Variants in PARD3 observed in about 807,000 individuals in gnomAD.
The protein encoded by PARD3 is partitioning defective 3 homolog.
Under a neutral mutation model 155.4 loss-of-function variants are expected in PARD3, and 75 were observed. The ratio of observed to expected loss-of-function variants is 0.48; its 90% CI spans 0.40 to 0.58. The LOEUF (loss-of-function observed/expected upper bound fraction) is 0.58, where lower values mean the gene tolerates loss of function less well. PARD3 is among the 20% of genes least tolerant of loss of function. The pLI is 0.00. For synonymous variants in PARD3, 576 were observed against 610.5 expected (o/e 0.94, Z 0.83); for missense variants, 1,642 against 1,721.7 (o/e 0.95, Z 0.82).
chr10:34,530,107 G>A (rs2082741909), intron 2 of PARD3, among the ~76,000 whole-genome samples: 1 of 152,136 alleles, frequency 6.6e-6, no homozygotes, highest in Non-Finnish European at 1.5e-5. Context: ...TCTTCATGAG[G>A]AAGAAGAGGA....
At chr10:34,740,418 C>T (rs750380920) in intron 1 of PARD3, among the ~76,000 whole-genome samples, 1 of 152,236 alleles carries the variant, frequency 6.6e-6, no homozygotes, top group Non-Finnish European at 1.5e-5. Context: ...ACCTCTTTCA[C>T]GACCCAAGAA....
chr10:34,233,414 A>G (rs554623927), intron 22 of PARD3, among the ~76,000 whole-genome samples: 5 of 151,814 alleles, frequency 3.3e-5, no homozygotes, highest in Admixed American at 3.3e-4. Flanking sequence ...TCTCTCTTCC[A>G]TTCTCTCCCT....
intron 3 of PARD3, among the ~76,000 whole-genome samples, chr10:34,476,607 G>A (rs2078721817): frequency 6.6e-6 from 1 of 152,128 alleles, no homozygotes; most frequent in Non-Finnish European, 1.5e-5. Context: ...TTCAGAGGCT[G>A]CATTGCTGGG....
rs139063364 is a variant in PARD3 at position 34,110,926 on chromosome 10, A to G, written c.*243T>C. 9.6e-4 allele frequency: 392 copies of G among 406,418 alleles called. 3 individuals are homozygous for G. Among genetic ancestry groups the G allele is most frequent in the African/African-American group, 6.8e-3 (342 of 50,508 alleles). The allele number at this position is 406,418 out of a possible 1,614,324, so 25.2% of individuals were successfully genotyped here. On this transcript the variant is annotated 3_prime_UTR_variant, in exon 25 of 25. Coordinates refer to ENST00000374788, the MANE Select transcript of PARD3 (RefSeq NM_001184785.2). ...GGTACTGTGGAGAGGCGCAGAGCAT[A>G]TGAACACCTCAAACAGATGATTGTC... is the stretch of plus-strand genomic sequence containing the variant.
rs74134128 is a variant in PARD3 at position 34,413,595 on chromosome 10, G to C, written c.715-11678C>G. Among the ~76,000 whole-genome samples the C allele has an allele frequency of 7.4e-3, 1,127 of 152,090 alleles. 12 individuals carry two copies. The highest frequency in any genetic ancestry group is 0.026 in the African/African-American group (1,073 of 41,474). ...ATTCTTCTTTATCTCTAAGGGTCCC[G>C]AGTTACCTGCCTCACAGGTCTCTAT... On this transcript the variant is annotated intron_variant, in intron 5 of 24. Transcript: ENST00000374788.
At chr10:34,160,927 G>T (rs926716221) in intron 22 of PARD3, among the ~76,000 whole-genome samples, 4 of 152,082 alleles carry the variant, frequency 2.6e-5, no homozygotes, top group Non-Finnish European at 4.4e-5. Context: ...TAAGTTTTAG[G>T]CCAGTGCCAA....
intron 22 of PARD3, among the ~76,000 whole-genome samples, chr10:34,269,106 T>C (rs1955486835): frequency 1.3e-5 from 2 of 152,164 alleles, no homozygotes; most frequent in Non-Finnish European, 2.9e-5. Context: ...ACAGTTAACA[T>C]TGCACTCCTG....
chr10:34,542,150 A>G (rs2083654471), intron 2 of PARD3, among the ~76,000 whole-genome samples: 1 of 152,108 alleles, frequency 6.6e-6, no homozygotes, highest in Admixed American at 6.5e-5. Flanking sequence ...GAATGGAACA[A>G]AATAAAATAG....
chr10:34,766,315 A>G (rs915738688), intron 1 of PARD3, among the ~76,000 whole-genome samples: 4 of 152,212 alleles, frequency 2.6e-5, no homozygotes, highest in African/African-American at 9.6e-5. Flanking sequence ...GGTATTTGCC[A>G]AGGGAAACAC....
intron 22 of PARD3, among the ~76,000 whole-genome samples, chr10:34,184,908 G>A: frequency 6.6e-6 from 1 of 152,174 alleles, no homozygotes; most frequent in East Asian, 1.9e-4. Context: ...GACCCTGGGA[G>A]GCCCTGGCCA....
intron 1 of PARD3, among the ~76,000 whole-genome samples, chr10:34,800,510 C>G (rs1272446447): frequency 6.6e-6 from 1 of 151,944 alleles, no homozygotes; most frequent in Non-Finnish European, 1.5e-5. Flanking sequence ...ACTCGGGAGG[C>G]TGAGGCAGGA....
At chr10:34,775,997 G>A (rs1241778241) in intron 1 of PARD3, among the ~76,000 whole-genome samples, 4 of 152,168 alleles carry the variant, frequency 2.6e-5, no homozygotes, top group Non-Finnish European at 4.4e-5. Context: ...GACCAAGGCA[G>A]AAGGATTGAT....
chr10:34,266,762 T>A (rs1379414831), intron 22 of PARD3, among the ~76,000 whole-genome samples: 2 of 152,102 alleles, frequency 1.3e-5, no homozygotes, highest in Non-Finnish European at 2.9e-5. Flanking sequence ...GGAGGCTGAG[T>A]TTCAGTTTGG....
At chr10:34,564,478 C>T (rs898556853) in intron 2 of PARD3, among the ~76,000 whole-genome samples, 57 of 152,284 alleles carry the variant, frequency 3.7e-4, no homozygotes, top group Non-Finnish European at 3.7e-4. Flanking sequence ...ACAGGTCTTG[C>T]TCACAAGTCA....
intron 22 of PARD3, among the ~76,000 whole-genome samples, chr10:34,190,275 G>A (rs909313369): frequency 6.6e-6 from 1 of 152,136 alleles, no homozygotes; most frequent in South Asian, 2.1e-4. Context: ...CTGACTAAAG[G>A]AGCAAATAGG....
chr10:34,242,727 A>T (rs1274711356), intron 22 of PARD3, among the ~76,000 whole-genome samples: 2 of 152,200 alleles, frequency 1.3e-5, no homozygotes, highest in Non-Finnish European at 2.9e-5. Context: ...TGAGGTCAGG[A>T]GTTCGAGACC....
chr10:34,186,044 T>A (rs1476273482), intron 22 of PARD3, among the ~76,000 whole-genome samples: 1 of 151,838 alleles, frequency 6.6e-6, no homozygotes, highest in Admixed American at 6.6e-5. Context: ...GTGAAGGAGC[T>A]CAGCCTGAAC....
At chr10:34,383,904 G>T (rs1485591693) in intron 8 of PARD3, among the ~76,000 whole-genome samples, 1 of 152,076 alleles carries the variant, frequency 6.6e-6, no homozygotes, top group Non-Finnish European at 1.5e-5. Context: ...GTTGAAATGG[G>T]GGCCATAATA....
chr10:34,347,285 GC>G (rs1158174694), intron 15 of PARD3, among the ~76,000 whole-genome samples: 2 of 152,180 alleles, frequency 1.3e-5, no homozygotes, highest in African/African-American at 4.8e-5. Context: ...CACTCCTGTG[GC>G]AAAGCAAGAA....
Sources: allele counts gnomAD v4.1 joint callset (sites outside exome capture counted in the v4.1 genomes callset), GRCh38; gene constraint gnomAD v4.1.1; transcripts MANE v1.5; gene names NCBI Gene and HGNC (gene_info 2026-07-23, HGNC 2026-07-21).